TMCC3: variants seen among roughly 807,000 people sequenced by gnomAD.
TMCC3 encodes the protein transmembrane and coiled-coil domain protein 3.
Under a neutral mutation model 40.2 loss-of-function variants are expected in TMCC3, and 28 were observed. That is an observed-to-expected ratio of 0.70 (90% CI 0.52 to 0.95). TMCC3 has a LOEUF of 0.95. Ranked by LOEUF, TMCC3 falls within the 40% of genes least tolerant of loss-of-function variation. TMCC3 has a pLI of 0.00. For missense variants in TMCC3, 554 were observed against 615.2 expected, an observed-to-expected ratio of 0.90 and a Z score of 1.05; for synonymous variants, 255 against 248.5, an observed-to-expected ratio of 1.03 and a Z score of -0.25.
At position 94,581,393 on chromosome 12, in the gene TMCC3, C is replaced by T. The variant is rs533268843; in HGVS notation, c.995+229G>A. 3.4e-4 allele frequency among the ~76,000 whole-genome samples: 52 copies of T among 152,180 alleles called. No individual in the cohort carries two copies. The South Asian group carries it at 4.6e-3, about 13-fold the overall frequency. ...TTAGGGATGTATTGATTGCTAAACGCCCTTTAATCCATATCCATATTTATT... is the reference window on the plus strand; with the variant it reads ...TTAGGGATGTATTGATTGCTAAACGTCCTTTAATCCATATCCATATTTATT... On this transcript the variant is annotated intron_variant, in intron 2 of 3. Transcript: ENST00000261226.
At chr12:94,642,677 A>G (rs1393443371) in intron 1 of TMCC3, among the ~76,000 whole-genome samples, 1 of 152,226 alleles carries the variant, frequency 6.6e-6, no homozygotes, top group Non-Finnish European at 1.5e-5. Context: ...TCTCTGCTCA[A>G]TTGCAGCTCC....
At chr12:94,627,463 CA>C (rs1035218218) in intron 1 of TMCC3, among the ~76,000 whole-genome samples, 2 of 152,224 alleles carry the variant, frequency 1.3e-5, no homozygotes, top group Admixed American at 6.5e-5. Context: ...TTCAATCCAA[CA>C]GCCCGGGAGA....
At position 94,597,154 on chromosome 12, in the gene TMCC3, T is replaced by A. The variant is rs1353292089; in HGVS notation, c.79-14616A>T. Among the ~76,000 whole-genome samples the A allele has an allele frequency of 1.9e-3, 27 of 14,006 alleles. 1 individual carries two copies. The highest frequency in any genetic ancestry group is 4.8e-3 in the African/African-American group (26 of 5,468). 9.2% of individuals were successfully genotyped at this position (14,006 alleles called of 152,430 possible). On this transcript the variant is annotated intron_variant, in intron 1 of 3. Coordinates refer to ENST00000261226, the MANE Select transcript of TMCC3 (RefSeq NM_020698.4). ...ATATATATATATATATATATATATA[T>A]ATATGTATATAAATTAGCCAGGCCT...
At chr12:94,627,110 C>T (rs1477182077) in intron 1 of TMCC3, among the ~76,000 whole-genome samples, 2 of 152,180 alleles carry the variant, frequency 1.3e-5, no homozygotes, top group Non-Finnish European at 2.9e-5. Context: ...GATCTGCCCA[C>T]CTCCCAAGAT....
Position 94,650,525 on chromosome 12 carries a change from G to C in TMCC3, c.-95C>G. 1 of 1,027,292 alleles carries C rather than the reference G, an allele frequency of 9.7e-7. No homozygotes were observed. Among genetic ancestry groups the C allele is most frequent in the Non-Finnish European group, 1.2e-6 (1 of 811,740 alleles). The allele number at this position is 1,027,292 out of a possible 1,614,324, so 63.6% of individuals were successfully genotyped here. A position where few individuals can be genotyped will look rare whatever the true frequency, so the allele number is the denominator to read the frequency against. On this transcript the variant is annotated 5_prime_UTR_variant, in exon 1 of 4. Coordinates refer to ENST00000261226, the MANE Select transcript of TMCC3 (RefSeq NM_020698.4). Reference sequence around the variant, plus strand: ...GGATCACCCTGGGAGCCGCGGGCGAGGGGGCGGCGCGGCTGCTGCAGCTGT... The same window carrying C: ...GGATCACCCTGGGAGCCGCGGGCGACGGGGCGGCGCGGCTGCTGCAGCTGT...
chr12:94,630,540 G>A (rs1174850399), intron 1 of TMCC3, among the ~76,000 whole-genome samples: 1 of 152,096 alleles, frequency 6.6e-6, no homozygotes, highest in Non-Finnish European at 1.5e-5. Context: ...CCTAACAGGA[G>A]GATAGTTGTG....
Position 94,568,102 on chromosome 12 carries a change from A to G in TMCC3, c.*3333T>C, listed in dbSNP as rs994283375. 2.6e-5 allele frequency: 4 copies of G among 152,346 alleles called. No individual in the cohort carries two copies. The highest frequency in any genetic ancestry group is 9.6e-5 in the African/African-American group (4 of 41,582). 9.4% of individuals were successfully genotyped at this position (152,346 alleles called of 1,614,324 possible). On this transcript the variant is annotated 3_prime_UTR_variant, in exon 4 of 4. Coordinates refer to ENST00000261226, the MANE Select transcript of TMCC3 (RefSeq NM_020698.4). ...TAACAGCCTCACCGGCTGAAATGAAAGACGGAGTTTCGGAAGATTTCCTTC... is the reference window on the plus strand; with the variant it reads ...TAACAGCCTCACCGGCTGAAATGAAGGACGGAGTTTCGGAAGATTTCCTTC...
chr12:94,627,029 T>A (rs1263240671), intron 1 of TMCC3, among the ~76,000 whole-genome samples: 2 of 151,786 alleles, frequency 1.3e-5, no homozygotes, highest in Non-Finnish European at 2.9e-5. Flanking sequence ...CCAGGCTAAT[T>A]TTTGTATTTT....
chr12:94,604,822 A>G (rs1046746983), intron 1 of TMCC3, among the ~76,000 whole-genome samples: 48 of 151,054 alleles, frequency 3.2e-4, no homozygotes, highest in African/African-American at 9.2e-4. Context: ...AAAAAAAAAA[A>G]AAGAAGTAAT....
rs1566311342 is a variant in TMCC3, at chr12:94,571,580, GAC to G, written c.1287_1288del (p.Ser430HisfsTer31). 1 of 1,614,102 alleles carries G rather than the reference GAC, an allele frequency of 6.2e-7. No homozygotes were observed. Among genetic ancestry groups the G allele is most frequent in the South Asian group, 1.1e-5 (1 of 91,076 alleles). On this transcript the variant is annotated frameshift_variant, in exon 4 of 4. Coordinates refer to ENST00000261226, the MANE Select transcript of TMCC3 (RefSeq NM_020698.4). LOFTEE classifies it high-confidence loss of function. Reference sequence around the variant, plus strand: ...GGGTGAGACGAACTTCGCGATGGTGGACACACACACTAAGATGACAGTCATGA... The same window carrying G: ...GGGTGAGACGAACTTCGCGATGGTGGACACACACTAAGATGACAGTCATGA...
intron 1 of TMCC3, among the ~76,000 whole-genome samples, chr12:94,618,379 C>T (rs944804579): frequency 6.6e-6 from 1 of 152,224 alleles, no homozygotes; most frequent in East Asian, 1.9e-4. Flanking sequence ...TCACCCATAG[C>T]CCAGTTCAGT....
chr12:94,639,277 T>A, intron 1 of TMCC3, among the ~76,000 whole-genome samples: 1 of 152,208 alleles, frequency 6.6e-6, no homozygotes, highest in Admixed American at 6.5e-5. Context: ...CAATCATTTA[T>A]ATTGAATTAA....
chr12:94,646,678 A>G (rs2069020732), intron 1 of TMCC3, among the ~76,000 whole-genome samples: 1 of 150,304 alleles, frequency 6.7e-6, no homozygotes, highest in Admixed American at 6.6e-5. Context: ...ACCTCAGGTG[A>G]TCCACCTGCC....
At position 94,571,622 on chromosome 12, in the gene TMCC3, T is replaced by C. The variant is rs374709140; in HGVS notation, c.1247A>G (p.Asn416Ser). The C allele has an allele frequency of 2.5e-6, 4 of 1,614,066 alleles. No individual in the cohort carries two copies. The highest frequency in any genetic ancestry group is 3.4e-6 in the Non-Finnish European group (4 of 1,180,034). ...NAKVLLGRCI[N>S]VILAFMTVIL... ...GACAGTCATGAAGGCCAGGATCACGTTGATGCACCTCCCCAGGAGAACTTT... is the reference window on the plus strand; with the variant it reads ...GACAGTCATGAAGGCCAGGATCACGCTGATGCACCTCCCCAGGAGAACTTT... Residue 416 changes from asparagine (N) to serine (S), a missense_variant, in exon 4 of 4, where the codon AAC becomes AGC. Coordinates refer to ENST00000261226, the MANE Select transcript of TMCC3 (RefSeq NM_020698.4).
chr12:94,597,515 AT>A (rs1417206555), intron 1 of TMCC3, among the ~76,000 whole-genome samples: 11 of 151,944 alleles, frequency 7.2e-5, no homozygotes, highest in Non-Finnish European at 1.3e-4. Flanking sequence ...GTCTTAAATA[AT>A]TTCTCAGGCC....
intron 1 of TMCC3, among the ~76,000 whole-genome samples, chr12:94,587,982 G>A (rs921680476): frequency 3.9e-5 from 6 of 152,008 alleles, no homozygotes; most frequent in African/African-American, 9.7e-5. Context: ...TTTTCTTTCC[G>A]GCACTGGAGA....
In TMCC3 at chr12:94,650,557, T is replaced by A; in HGVS notation, c.-127A>T. 1 of 734,512 alleles carries A rather than the reference T, an allele frequency of 1.4e-6. No individual in the cohort carries two copies. Among genetic ancestry groups the A allele is most frequent in the Non-Finnish European group, 1.8e-6 (1 of 550,922 alleles). The allele number at this position is 734,512 out of a possible 1,614,324, so 45.5% of individuals were successfully genotyped here. On this transcript the variant is annotated 5_prime_UTR_variant, in exon 1 of 4. Coordinates refer to ENST00000261226, the MANE Select transcript of TMCC3 (RefSeq NM_020698.4). ...GCGCGGCTGCTGCAGCTGTTGCCTC[T>A]GGTGCCAACACCCGCGCGGCCGCCC... is the stretch of plus-strand genomic sequence containing the variant.
At chr12:94,600,236 T>G (rs896121367) in intron 1 of TMCC3, among the ~76,000 whole-genome samples, 1 of 148,328 alleles carries the variant, frequency 6.7e-6, no homozygotes, top group African/African-American at 2.6e-5. Context: ...GTCACCAAAT[T>G]CTGGTTTTTT....
At chr12:94,649,669 G>C (rs2069042090) in intron 1 of TMCC3, among the ~76,000 whole-genome samples, 1 of 152,240 alleles carries the variant, frequency 6.6e-6, no homozygotes, top group Non-Finnish European at 1.5e-5. Flanking sequence ...TGCGGCCTCC[G>C]TCTTTATTTT....
Sources: allele counts gnomAD v4.1 joint callset (sites outside exome capture counted in the v4.1 genomes callset), GRCh38; gene constraint gnomAD v4.1.1; transcripts MANE v1.5; gene names NCBI Gene and HGNC (gene_info 2026-07-23, HGNC 2026-07-21).